Variants in CDKL2 observed in about 807,000 individuals in gnomAD.
CDKL2 encodes cyclin dependent kinase like 2.
A neutral mutation model predicts 63.9 loss-of-function variants in CDKL2; 64 were observed. The ratio of observed to expected loss-of-function variants is 1.00; its 90% CI spans 0.82 to 1.23. The LOEUF (loss-of-function observed/expected upper bound fraction) is 1.23, where lower values mean the gene tolerates loss of function less well. CDKL2 is among the 50% of genes most tolerant of loss of function. The pLI, the probability that CDKL2 is intolerant of heterozygous loss-of-function variation, is 0.00. For synonymous variants in CDKL2, 211 were observed against 229.2 expected (o/e 0.92, Z 0.72); for missense variants, 656 against 668.0 (o/e 0.98, Z 0.20).
At chr4:75,580,232 C>A (rs1477893432) in intron 13 of CDKL2, among the ~76,000 whole-genome samples, 2 of 151,868 alleles carry the variant, frequency 1.3e-5, no homozygotes, top group Non-Finnish European at 2.9e-5. Context: ...GCACTCCAGC[C>A]TGGGAGACAG....
Position 75,625,810 on chromosome 4 carries a change from C to T in CDKL2, c.168+11G>A. The T allele has an allele frequency of 6.3e-7, 1 of 1,597,214 alleles. No homozygotes were observed. On this transcript the variant is annotated intron_variant, in intron 2 of 13. Transcript: ENST00000307465. ...CTCATATTTTTTGATTCAATATATGCATTTACTCACCTTTAGTAACTTGAT... is the reference window on the plus strand; with the variant it reads ...CTCATATTTTTTGATTCAATATATGTATTTACTCACCTTTAGTAACTTGAT...
At chr4:75,603,055 A>G (rs1729268321) in intron 6 of CDKL2, among the ~76,000 whole-genome samples, 2 of 131,898 alleles carry the variant, frequency 1.5e-5, no homozygotes, top group Non-Finnish European at 3.1e-5. Flanking sequence ...TGCGGACTGC[A>G]GTGGCACAAT....
At chr4:75,605,410 C>A (rs1340158493) in intron 5 of CDKL2, 112 bp downstream of exon 5, 2 of 652,200 alleles carry the variant, frequency 3.1e-6, no homozygotes, top group East Asian at 2.8e-5. Context: ...CCTACCTTCA[C>A]TTAAAACATA....
intron 2 of CDKL2, among the ~76,000 whole-genome samples, chr4:75,623,286 A>C (rs1730252430): frequency 6.6e-6 from 1 of 152,180 alleles, no homozygotes; most frequent in African/African-American, 2.4e-5. Context: ...CTCAAAAAAA[A>C]ACCTACTAAC....
intron 3 of CDKL2, among the ~76,000 whole-genome samples, chr4:75,610,888 T>G (rs1729659405): frequency 6.6e-6 from 1 of 152,190 alleles, no homozygotes; most frequent in Non-Finnish European, 1.5e-5. Context: ...CGTTATTATC[T>G]GTCTACATTA....
chr4:75,614,061 A>T lies in CDKL2; in HGVS notation c.363+194T>A, dbSNP rs191614439. On this transcript the variant is annotated intron_variant, in intron 3 of 13. Coordinates refer to ENST00000307465, the MANE Select transcript of CDKL2 (RefSeq NM_001330724.2). ...GAAAGAGCGAGACTCTGTCTCGGAA[A>T]AAAACAAAACAAACAAACAAAAAAC... Among the ~76,000 whole-genome samples, 227 of 152,354 alleles carry T rather than the reference A, an allele frequency of 1.5e-3. 1 individual carries two copies. The highest frequency in any genetic ancestry group is 5.3e-3 in the African/African-American group (222 of 41,578).
At chr4:75,624,192 T>C (rs183047340) in intron 2 of CDKL2, among the ~76,000 whole-genome samples, 301 of 151,294 alleles carry the variant, frequency 2.0e-3, no homozygotes, top group Non-Finnish European at 3.6e-3. Flanking sequence ...AGATTTACTA[T>C]GGAAACGCTA....
intron 1 of CDKL2, among the ~76,000 whole-genome samples, chr4:75,629,796 G>A (rs1730592116): frequency 6.6e-6 from 1 of 151,994 alleles, no homozygotes; most frequent in Non-Finnish European, 1.5e-5. Flanking sequence ...AAACTTAGCC[G>A]GGCGTGGTGG....
chr4:75,597,507 T>C (rs1321389889), intron 8 of CDKL2, among the ~76,000 whole-genome samples: 1 of 151,966 alleles, frequency 6.6e-6, no homozygotes, highest in East Asian at 1.9e-4. Flanking sequence ...GAAAAACTCA[T>C]GGAAGAGGAA....
In CDKL2 at chr4:75,598,591, T is replaced by TAAA. The variant is rs558158341; in HGVS notation, c.885-380_885-379insTTT. Among the ~76,000 whole-genome samples, 147 of 145,396 alleles carry TAAA rather than the reference T, an allele frequency of 1.0e-3. 1 individual carries two copies. The highest frequency in any genetic ancestry group is 2.9e-3 in the African/African-American group (115 of 39,334). On this transcript the variant is annotated intron_variant, in intron 7 of 13. Coordinates refer to ENST00000307465, the MANE Select transcript of CDKL2 (RefSeq NM_001330724.2). ...ACACATTCTCAGTTGCTTTTTTTTT[T>TAAA]TAAAAAAAAAAAAGGCAGTCTTGCT...
Position 75,592,283 on chromosome 4 carries a change from C to T in CDKL2, c.1417-14G>A. 2 of 1,509,908 alleles carry T rather than the reference C, an allele frequency of 1.3e-6. No individual in the cohort carries two copies. Among genetic ancestry groups the T allele is most frequent in the African/African-American group, 1.4e-5 (1 of 71,758 alleles). 93.5% of individuals were successfully genotyped at this position (1,509,908 alleles called of 1,614,324 possible). ...TTCACTAGAGACCTAATATCATCAA[C>T]ATAGTCAACAAAAAAGAATTAGTTT... On this transcript the variant is annotated splice_polypyrimidine_tract_variant and intron_variant, in intron 10 of 13. Transcript: ENST00000307465.
chr4:75,598,181 T>A lies in CDKL2; in HGVS notation c.916A>T (p.Lys306Ter). 6.6e-7 allele frequency: 1 copy of A among 1,513,434 alleles called. No individual in the cohort carries two copies. Among genetic ancestry groups the A allele is most frequent in the Non-Finnish European group, 9.0e-7 (1 of 1,107,876 alleles). 93.8% of individuals were successfully genotyped at this position (1,513,434 alleles called of 1,614,324 possible). ...FSQELQLKVQ[K>*]DARNVSLSKK... ...GATAAAGAAACATTTCTGGCATCTT[T>A]CTGTACTTTTAACTGTAGTTCTTGG... is the stretch of plus-strand genomic sequence containing the variant. Residue 306 changes from lysine (K) to a stop codon, truncating the protein, a stop_gained, in exon 8 of 14, where the codon AAA becomes TAA. Coordinates refer to ENST00000307465, the MANE Select transcript of CDKL2 (RefSeq NM_001330724.2). LOFTEE classifies it high-confidence loss of function.
At chr4:75,608,745 G>C (rs1729543032) in intron 3 of CDKL2, among the ~76,000 whole-genome samples, 1 of 152,130 alleles carries the variant, frequency 6.6e-6, no homozygotes, top group Admixed American at 6.5e-5. Flanking sequence ...TGTAATCCCA[G>C]CACTTTGGGA....
intron 10 of CDKL2, among the ~76,000 whole-genome samples, chr4:75,594,257 G>C (rs1728820015): frequency 1.3e-5 from 2 of 152,060 alleles, no homozygotes; most frequent in African/African-American, 4.8e-5. Context: ...AAACCAGCCT[G>C]GCCGACATGG....
chr4:75,597,253 A>C lies in CDKL2; in HGVS notation c.1021-17T>G. The C allele has an allele frequency of 6.8e-7, 1 of 1,473,790 alleles. No homozygotes were observed. The highest frequency in any genetic ancestry group is 2.3e-5 in the East Asian group (1 of 44,118). The allele number at this position is 1,473,790 out of a possible 1,614,324, so 91.3% of individuals were successfully genotyped here. On this transcript the variant is annotated splice_polypyrimidine_tract_variant and intron_variant, in intron 8 of 13. Transcript: ENST00000307465. ...ATTGGTATCCTGATCATTAACAAAA[A>C]TATTAATAAGGTTAATGATCTGAAG...
At chr4:75,596,172 T>C (rs1283237922) in intron 10 of CDKL2, 75 bp downstream of exon 10, 2 of 870,140 alleles carry the variant, frequency 2.3e-6, no homozygotes, top group Non-Finnish European at 3.8e-6. Context: ...AATACTTCAC[T>C]ATCATATTTA....
intron 12 of CDKL2, among the ~76,000 whole-genome samples, chr4:75,582,516 A>C (rs1258628429): frequency 6.6e-6 from 1 of 152,206 alleles, no homozygotes; most frequent in Non-Finnish European, 1.5e-5. Context: ...ATTAAGAAAA[A>C]GTGAACAGAG....
At chr4:75,616,685 G>A (rs1345234319) in intron 2 of CDKL2, among the ~76,000 whole-genome samples, 3 of 136,368 alleles carry the variant, frequency 2.2e-5, no homozygotes, top group African/African-American at 8.4e-5. Flanking sequence ...GGGTGACAGA[G>A]CAAGACTCCA....
At chr4:75,586,547 T>C (rs982005576) in intron 12 of CDKL2, among the ~76,000 whole-genome samples, 2 of 152,130 alleles carry the variant, frequency 1.3e-5, no homozygotes, top group East Asian at 1.9e-4. Flanking sequence ...GCCTTAATGT[T>C]AAAACATGAC....
Sources: allele counts gnomAD v4.1 joint callset (sites outside exome capture counted in the v4.1 genomes callset), GRCh38; gene constraint gnomAD v4.1.1; transcripts MANE v1.5; gene names NCBI Gene and HGNC (gene_info 2026-07-23, HGNC 2026-07-21).